Variants in BMP5 observed in about 807,000 individuals in gnomAD.
The protein encoded by BMP5 is bone morphogenetic protein 5.
In BMP5, 23 loss-of-function variants were observed where a neutral mutation model predicts 46.6. The observed-to-expected ratio is 0.49, with a 90% CI of 0.35 to 0.70. BMP5 has a LOEUF of 0.70. Ranked by LOEUF, BMP5 falls within the 30% of genes least tolerant of loss-of-function variation. The probability of loss-of-function intolerance (pLI) is 0.00; values close to 1 mark genes in which losing one functional copy is unlikely to be tolerated. For missense variants in BMP5, 545 were observed against 565.6 expected, an observed-to-expected ratio of 0.96 and a Z score of 0.37; for synonymous variants, 204 against 191.9, an observed-to-expected ratio of 1.06 and a Z score of -0.52.
intron 1 of BMP5, among the ~76,000 whole-genome samples, chr6:55,831,383 T>A (rs984735179): frequency 6.6e-6 from 1 of 152,056 alleles, no homozygotes. Context: ...AACGTAAAAA[T>A]TGATTTTTTT....
At chr6:55,809,157 A>T (rs955651522) in intron 2 of BMP5, among the ~76,000 whole-genome samples, 3 of 152,218 alleles carry the variant, frequency 2.0e-5, no homozygotes, top group African/African-American at 7.2e-5. Context: ...ATGAAAATTA[A>T]AGTAATTTCT....
intron 2 of BMP5, among the ~76,000 whole-genome samples, chr6:55,811,651 G>GTC (rs147860096): frequency 2.7e-5 from 4 of 149,104 alleles, no homozygotes; most frequent in South Asian, 4.3e-4. Context: ...CTCTCTCTCT[G>GTC]TCTCTCTCTC....
chr6:55,757,997 G>A (rs1344384586), intron 6 of BMP5, among the ~76,000 whole-genome samples: 1 of 151,776 alleles, frequency 6.6e-6, no homozygotes, highest in Non-Finnish European at 1.5e-5. Flanking sequence ...AATTGTGGGG[G>A]AAAATAGCAA....
chr6:55,757,534 C>T lies in BMP5; in HGVS notation c.1215+1471G>A, dbSNP rs945653888. Among the ~76,000 whole-genome samples, 4 of 151,874 alleles carry T rather than the reference C, an allele frequency of 2.6e-5. No individual in the cohort carries two copies. In the East Asian group the frequency reaches 5.8e-4, roughly 22 times the overall value. On this transcript the variant is annotated intron_variant, in intron 6 of 6. Transcript: ENST00000370830. ...TCTTTTAGTGGTAGAAGTTTGAATGCAAAACATCCATCCTTGCAAAGCCTA... is the reference window on the plus strand; with the variant it reads ...TCTTTTAGTGGTAGAAGTTTGAATGTAAAACATCCATCCTTGCAAAGCCTA...
chr6:55,825,715 G>A lies in BMP5; in HGVS notation c.491-5868C>T, dbSNP rs576226879. 3.9e-5 allele frequency among the ~76,000 whole-genome samples: 6 copies of A among 151,942 alleles called. No homozygotes were observed. In the East Asian group the frequency reaches 7.7e-4, roughly 20 times the overall value. ...TTTTCATGTCTACATTATCTGAAGA[G>A]TAGAATTAATTAACAGAGGATTACA... On this transcript the variant is annotated intron_variant, in intron 1 of 6. Transcript: ENST00000370830.
At chr6:55,787,361 A>C (rs1236916541) in intron 3 of BMP5, among the ~76,000 whole-genome samples, 1 of 151,758 alleles carries the variant, frequency 6.6e-6, no homozygotes, top group Non-Finnish European at 1.5e-5. Context: ...ATAAACCTAA[A>C]AGAATATTCA....
chr6:55,845,872 G>T (rs1777085816), intron 1 of BMP5, among the ~76,000 whole-genome samples: 1 of 151,900 alleles, frequency 6.6e-6, no homozygotes. Flanking sequence ...GAAGGTATTT[G>T]GGAACAAGAA....
intron 3 of BMP5, among the ~76,000 whole-genome samples, chr6:55,785,675 C>T (rs1377595477): frequency 6.6e-6 from 1 of 151,364 alleles, no homozygotes; most frequent in South Asian, 2.1e-4. Flanking sequence ...TAAACATTCA[C>T]ATTAAAATGA....
chr6:55,803,356 T>C (rs1412269348), intron 2 of BMP5, among the ~76,000 whole-genome samples: 1 of 151,270 alleles, frequency 6.6e-6, no homozygotes, highest in Non-Finnish European at 1.5e-5. Flanking sequence ...GTATAAAAGA[T>C]GTATATTAGT....
chr6:55,772,165 T>C (rs1441793098), intron 4 of BMP5, among the ~76,000 whole-genome samples: 1 of 151,954 alleles, frequency 6.6e-6, no homozygotes, highest in Admixed American at 6.6e-5. Flanking sequence ...AAAATATTGG[T>C]CTATATTAGA....
At chr6:55,869,486 A>T (rs72870613) in intron 1 of BMP5, among the ~76,000 whole-genome samples, 3,360 of 152,282 alleles carry the variant, frequency 0.022, 69 homozygotes, top group Non-Finnish European at 0.034. Flanking sequence ...TTCAAAAAAA[A>T]ATAATTTCTT....
chr6:55,762,666 G>C (rs746657858), intron 4 of BMP5, among the ~76,000 whole-genome samples: 3 of 151,978 alleles, frequency 2.0e-5, no homozygotes, highest in African/African-American at 7.3e-5. Flanking sequence ...TTCCTCGATC[G>C]TGTTTAGAAA....
intron 1 of BMP5, among the ~76,000 whole-genome samples, chr6:55,850,388 A>C (rs994930114): frequency 2.7e-5 from 4 of 149,422 alleles, no homozygotes; most frequent in African/African-American, 7.6e-5. Flanking sequence ...ATAGATAGAT[A>C]GATAGATCGA....
intron 1 of BMP5, among the ~76,000 whole-genome samples, chr6:55,829,973 T>C (rs1423011261): frequency 6.6e-6 from 1 of 151,990 alleles, no homozygotes; most frequent in Non-Finnish European, 1.5e-5. Flanking sequence ...CCTTCAAAAG[T>C]ATGGTTGTTT....
At chr6:55,831,264 C>T (rs970739710) in intron 1 of BMP5, among the ~76,000 whole-genome samples, 4 of 152,124 alleles carry the variant, frequency 2.6e-5, no homozygotes, top group Non-Finnish European at 5.9e-5. Flanking sequence ...CTGACAAGTT[C>T]CGCCAATATG....
chr6:55,856,505 G>A (rs1777402410), intron 1 of BMP5, among the ~76,000 whole-genome samples: 1 of 152,224 alleles, frequency 6.6e-6, no homozygotes, highest in African/African-American at 2.4e-5. Context: ...ATTTATACGT[G>A]TTTTAGTTGG....
chr6:55,853,172 TAA>T (rs1189058604), intron 1 of BMP5, among the ~76,000 whole-genome samples: 7 of 70,838 alleles, frequency 9.9e-5, no homozygotes, highest in Non-Finnish European at 2.3e-4. Flanking sequence ...TAAAATAAAA[TAA>T]AATAAAATAA....
intron 1 of BMP5, among the ~76,000 whole-genome samples, chr6:55,849,192 T>C (rs1777162841): frequency 6.6e-6 from 1 of 152,016 alleles, no homozygotes; most frequent in African/African-American, 2.4e-5. Flanking sequence ...GCTATAGGAG[T>C]GAAGAAAAGA....
At chr6:55,771,372 A>G (rs758165619) in intron 4 of BMP5, among the ~76,000 whole-genome samples, 23 of 151,880 alleles carry the variant, frequency 1.5e-4, no homozygotes, top group Non-Finnish European at 3.4e-4. Context: ...ATGAAACAGG[A>G]AATATCTTCC....
Sources: gnomAD v4.1 joint callset for allele counts (sites outside exome capture counted in the v4.1 genomes callset) on GRCh38, gnomAD v4.1.1 for gene constraint, MANE v1.5 for transcripts, NCBI Gene and HGNC (gene_info 2026-07-23, HGNC 2026-07-21) for gene names.